Variants in SSBP3 observed in about 807,000 individuals in gnomAD.
SSBP3 encodes the protein single-stranded DNA-binding protein 3.
Under a neutral mutation model 69.6 loss-of-function variants are expected in SSBP3, and 5 were observed. That is an observed-to-expected ratio of 0.07 (90% CI 0.04 to 0.15). SSBP3 has a LOEUF of 0.15. Among genes scored for constraint, SSBP3 ranks in the 10% least tolerant of loss-of-function variants. SSBP3 has a pLI of 1.00. For synonymous variants in SSBP3, 196 were observed against 193.4 expected (o/e 1.01, Z -0.11); for missense variants, 312 against 534.0 (o/e 0.58, Z 4.10).
chr1:54,248,866 T>C (rs1184785195), intron 9 of SSBP3, among the ~76,000 whole-genome samples: 1 of 152,124 alleles, frequency 6.6e-6, no homozygotes, highest in African/African-American at 2.4e-5. Context: ...GGTCTCCACA[T>C]TGATAAAGTA....
intron 13 of SSBP3, among the ~76,000 whole-genome samples, chr1:54,240,087 T>TGTGTGTGTGTGTGTGTGCGC (rs1159547661): frequency 2.4e-5 from 1 of 42,342 alleles, no homozygotes; most frequent in Non-Finnish European, 4.2e-5. Context: ...TGTGTGTGTG[T>TGTGTGTGTGTGTGTGTGCGC]GCGCGCGCGC....
intron 4 of SSBP3, among the ~76,000 whole-genome samples, chr1:54,359,279 C>T (rs11206338): frequency 0.035 from 5,118 of 144,660 alleles, 288 homozygotes; most frequent in African/African-American, 0.12. Flanking sequence ...ATACCTGGAA[C>T]ACAGATTATA....
chr1:54,237,242 C>G (rs955653494), intron 14 of SSBP3: 1 of 152,336 alleles, frequency 6.6e-6, no homozygotes. Context: ...GGCAATGCAT[C>G]TGTTACTGAA....
chr1:54,394,516 T>C (rs1218566423), intron 4 of SSBP3, among the ~76,000 whole-genome samples: 1 of 152,030 alleles, frequency 6.6e-6, no homozygotes, highest in Non-Finnish European at 1.5e-5. Flanking sequence ...TAGTAGGAGC[T>C]TGGTAACCTC....
At chr1:54,237,914 C>T (rs115820843) in intron 14 of SSBP3, 4,045 of 352,394 alleles carry the variant, frequency 0.011, 62 homozygotes, top group East Asian at 0.054. Flanking sequence ...GGCAACATGG[C>T]GACAGTGACC....
rs1177603760 is a variant in SSBP3 at position 54,384,925 on chromosome 1, C to T, written c.276+16936G>A. 5.3e-5 allele frequency among the ~76,000 whole-genome samples: 8 copies of T among 152,166 alleles called. 1 individual carries two copies. The highest frequency in any genetic ancestry group is 5.2e-4 in the Admixed American group (8 of 15,280). ...AGTAGCTTCTAATTCCTGAACAGCT[C>T]ACATGGGCCTCCAGTTGTCGACACA... On this transcript the variant is annotated intron_variant, in intron 4 of 17. Coordinates refer to ENST00000610401, the Ensembl canonical transcript of SSBP3.
At chr1:54,314,347 G>A (rs572868980) in intron 4 of SSBP3, among the ~76,000 whole-genome samples, 4 of 152,286 alleles carry the variant, frequency 2.6e-5, no homozygotes. Context: ...ACTCCAGAGG[G>A]AAGCAAAAAG....
chr1:54,275,451 C>T (rs762120664), intron 5 of SSBP3, among the ~76,000 whole-genome samples: 18 of 152,198 alleles, frequency 1.2e-4, no homozygotes, highest in East Asian at 5.8e-4. Context: ...GAGGAATGTC[C>T]GCTCCCTCTG....
At chr1:54,250,366 G>A (rs1644805546) in intron 9 of SSBP3, among the ~76,000 whole-genome samples, 1 of 151,708 alleles carries the variant, frequency 6.6e-6, no homozygotes, top group Non-Finnish European at 1.5e-5. Flanking sequence ...GGTGGCTTGG[G>A]CTTGCTGTAA....
chr1:54,400,692 A>C (rs923997985), intron 4 of SSBP3, among the ~76,000 whole-genome samples: 54 of 152,240 alleles, frequency 3.5e-4, no homozygotes, highest in African/African-American at 1.0e-3. Context: ...ATCACATTGA[A>C]TATTCTCAAA....
At chr1:54,248,949 T>TG (rs1382372204) in intron 9 of SSBP3, among the ~76,000 whole-genome samples, 2 of 152,040 alleles carry the variant, frequency 1.3e-5, no homozygotes, top group African/African-American at 4.8e-5. Context: ...TAAAGACGGG[T>TG]GAGCCTCTCT....
chr1:54,411,515 A>G (rs1406025535), intron 1 of SSBP3, among the ~76,000 whole-genome samples: 1 of 151,414 alleles, frequency 6.6e-6, no homozygotes, highest in Non-Finnish European at 1.5e-5. Context: ...CTGACAGGCC[A>G]TGGTGGCTCA....
chr1:54,383,478 T>G (rs1166159208), intron 4 of SSBP3, among the ~76,000 whole-genome samples: 1 of 152,072 alleles, frequency 6.6e-6, no homozygotes, highest in Non-Finnish European at 1.5e-5. Flanking sequence ...CATTCACAAT[T>G]AGAAGCAACC....
chr1:54,282,712 G>A (rs993178866), intron 4 of SSBP3, among the ~76,000 whole-genome samples: 4 of 152,206 alleles, frequency 2.6e-5, no homozygotes, highest in East Asian at 3.9e-4. Context: ...ACCTGGAACC[G>A]GGCCCTGCTC....
At chr1:54,242,025 C>T (rs1053528667) in intron 11 of SSBP3, 139 bp downstream of exon 11, 45 of 1,005,428 alleles carry the variant, frequency 4.5e-5, no homozygotes, top group Admixed American at 2.2e-4. Flanking sequence ...CACCTCCACA[C>T]GGCCTTCTCC....
At chr1:54,322,367 C>T (rs115536982) in intron 4 of SSBP3, among the ~76,000 whole-genome samples, 130 of 152,268 alleles carry the variant, frequency 8.5e-4, no homozygotes, top group African/African-American at 3.0e-3. Context: ...AGGTGAACAG[C>T]CATGGCCAAT....
intron 4 of SSBP3, among the ~76,000 whole-genome samples, chr1:54,380,528 G>A (rs1053386459): frequency 3.9e-5 from 6 of 152,242 alleles, no homozygotes; most frequent in Non-Finnish European, 7.3e-5. Context: ...GGGGAAAGAA[G>A]CCATCTGTAT....
chr1:54,339,504 C>G (rs1403139745), intron 4 of SSBP3, among the ~76,000 whole-genome samples: 1 of 152,108 alleles, frequency 6.6e-6, no homozygotes, highest in Non-Finnish European at 1.5e-5. Context: ...TTCACAGGCT[C>G]TTGCGGAGTT....
upstream of SSBP3, among the ~76,000 whole-genome samples, chr1:54,409,322 T>C (rs1033409182): frequency 2.0e-5 from 3 of 152,076 alleles, no homozygotes; most frequent in African/African-American, 7.2e-5. Flanking sequence ...TCCAATCTTA[T>C]CTCGTTTTGC....
Sources: gnomAD v4.1 joint callset for allele counts (sites outside exome capture counted in the v4.1 genomes callset) on GRCh38, gnomAD v4.1.1 for gene constraint, MANE v1.5 for transcripts, NCBI Gene and HGNC (gene_info 2026-07-23, HGNC 2026-07-21) for gene names.